The following DGKB variants were observed in gnomAD, a reference collection of about 807,000 sequenced individuals.
The protein encoded by DGKB is diacylglycerol kinase beta.
In DGKB, 67 loss-of-function variants were observed where a neutral mutation model predicts 114.3. That is an observed-to-expected ratio of 0.59 (90% CI 0.48 to 0.72). The LOEUF is 0.72. DGKB is among the 30% of genes least tolerant of loss of function. DGKB has a pLI of 0.00. For synonymous variants in DGKB, 398 were observed against 323.1 expected (o/e 1.23, Z -2.49); for missense variants, 907 against 975.2 (o/e 0.93, Z 0.93).
At chr7:14,429,142 A>T (rs541187515) in intron 21 of DGKB, among the ~76,000 whole-genome samples, 1 of 152,122 alleles carries the variant, frequency 6.6e-6, no homozygotes, top group African/African-American at 2.4e-5. Context: ...CTGAGAAAAT[A>T]CTATTTATTT....
chr7:14,309,392 G>C (rs1805002233), intron 23 of DGKB, among the ~76,000 whole-genome samples: 1 of 152,024 alleles, frequency 6.6e-6, no homozygotes, highest in Admixed American at 6.6e-5. Context: ...AAAGCAAAAA[G>C]CAAAAGCCAA....
intron 23 of DGKB, among the ~76,000 whole-genome samples, chr7:14,248,417 T>C (rs1339630995): frequency 1.3e-5 from 2 of 152,090 alleles, no homozygotes; most frequent in Non-Finnish European, 2.9e-5. Flanking sequence ...AGGAATTACA[T>C]TGAATCTGTA....
intron 9 of DGKB, among the ~76,000 whole-genome samples, 198 bp downstream of exon 9, chr7:14,693,877 T>A (rs193061533): frequency 6.6e-6 from 1 of 151,752 alleles, no homozygotes; most frequent in Non-Finnish European, 1.5e-5. Context: ...ATACCTGGAG[T>A]GAATCAATAT....
intron 1 of DGKB, among the ~76,000 whole-genome samples, chr7:14,938,123 A>C (rs1399478878): frequency 6.6e-6 from 1 of 152,234 alleles, no homozygotes; most frequent in Non-Finnish European, 1.5e-5. Flanking sequence ...CAAGTATTTA[A>C]GCAGGTACAC....
intron 14 of DGKB, among the ~76,000 whole-genome samples, chr7:14,622,542 A>G (rs1442335672): frequency 6.6e-6 from 1 of 152,134 alleles, no homozygotes; most frequent in Non-Finnish European, 1.5e-5. Flanking sequence ...ACATTGTAAA[A>G]TGTCCAAGAT....
chr7:14,405,435 G>T (rs1823786038), intron 21 of DGKB, among the ~76,000 whole-genome samples: 1 of 152,002 alleles, frequency 6.6e-6, no homozygotes, highest in South Asian at 2.1e-4. Flanking sequence ...GTTAAATTTG[G>T]ATAATAATAG....
chr7:14,236,413 C>T (rs948954059), intron 23 of DGKB, among the ~76,000 whole-genome samples: 3 of 151,536 alleles, frequency 2.0e-5, no homozygotes, highest in African/African-American at 7.3e-5. Flanking sequence ...AACCAGAGAC[C>T]CTTTCAATAT....
chr7:14,540,122 T>C (rs1793181977), intron 20 of DGKB, among the ~76,000 whole-genome samples: 1 of 152,062 alleles, frequency 6.6e-6, no homozygotes, highest in Non-Finnish European at 1.5e-5. Flanking sequence ...GCTAATGATA[T>C]TATGCCAGAA....
chr7:14,309,256 G>C (rs575658003), intron 23 of DGKB, among the ~76,000 whole-genome samples: 2 of 152,232 alleles, frequency 1.3e-5, no homozygotes, highest in African/African-American at 4.8e-5. Context: ...TTTGCAATCA[G>C]AGCCCTGTCT....
At chr7:14,460,221 A>G (rs1832871907) in intron 21 of DGKB, among the ~76,000 whole-genome samples, 1 of 152,190 alleles carries the variant, frequency 6.6e-6, no homozygotes, top group Non-Finnish European at 1.5e-5. Flanking sequence ...TAGCATTATC[A>G]TGACAGGATC....
intron 25 of DGKB, among the ~76,000 whole-genome samples, chr7:14,153,082 T>C (rs548014443): frequency 1.3e-5 from 2 of 152,206 alleles, no homozygotes; most frequent in East Asian, 3.9e-4. Flanking sequence ...ATTCCCCAGA[T>C]ATTTGTGTTC....
At chr7:14,640,666 T>C (rs1469623032) in intron 13 of DGKB, among the ~76,000 whole-genome samples, 2 of 152,170 alleles carry the variant, frequency 1.3e-5, no homozygotes, top group East Asian at 1.9e-4. Flanking sequence ...ACAGAGATCA[T>C]GGTAGTATTT....
intron 21 of DGKB, among the ~76,000 whole-genome samples, chr7:14,379,455 G>C (rs1405314567): frequency 6.6e-6 from 1 of 151,232 alleles, no homozygotes; most frequent in African/African-American, 2.4e-5. Context: ...GAGAAATTTG[G>C]TGATTCAGAG....
At chr7:14,556,552 T>A (rs962297056) in intron 20 of DGKB, among the ~76,000 whole-genome samples, 1 of 152,168 alleles carries the variant, frequency 6.6e-6, no homozygotes, top group Non-Finnish European at 1.5e-5. Flanking sequence ...TATGCCCCTA[T>A]ACGTGTATTT....
chr7:14,492,714 C>A (rs1461148135), intron 20 of DGKB, among the ~76,000 whole-genome samples: 1 of 151,942 alleles, frequency 6.6e-6, no homozygotes, highest in African/African-American at 2.4e-5. Context: ...TTAACAAACA[C>A]CTCTAAAAAT....
chr7:14,706,370 G>C (rs1235383535), intron 6 of DGKB, among the ~76,000 whole-genome samples: 14 of 145,090 alleles, frequency 9.6e-5, no homozygotes, highest in African/African-American at 3.3e-4. Flanking sequence ...AATAATGGGA[G>C]ACTTTAACAC....
intron 21 of DGKB, among the ~76,000 whole-genome samples, chr7:14,397,047 G>A (rs932730295): frequency 2.0e-5 from 3 of 152,048 alleles, no homozygotes; most frequent in Admixed American, 2.0e-4. Flanking sequence ...TTCTGGGAGA[G>A]AGAGAGAGAG....
At chr7:14,926,793 G>C (rs1784774949) in intron 1 of DGKB, among the ~76,000 whole-genome samples, 2 of 151,802 alleles carry the variant, frequency 1.3e-5, no homozygotes, top group Admixed American at 1.3e-4. Flanking sequence ...TGTTGGTAGT[G>C]CCTGCTTTCT....
chr7:14,615,185 T>C (rs1806289159), intron 15 of DGKB, among the ~76,000 whole-genome samples: 1 of 152,010 alleles, frequency 6.6e-6, no homozygotes, highest in Non-Finnish European at 1.5e-5. Flanking sequence ...TAAGTAGAAA[T>C]GGGAATCTCA....
Sources: allele counts gnomAD v4.1 joint callset (sites outside exome capture counted in the v4.1 genomes callset), GRCh38; gene constraint gnomAD v4.1.1; transcripts MANE v1.5; gene names NCBI Gene and HGNC (gene_info 2026-07-23, HGNC 2026-07-21).